ESRRG: variants seen among roughly 807,000 people sequenced by gnomAD.
The protein encoded by ESRRG is estrogen related receptor gamma.
In ESRRG, 13 loss-of-function variants were observed where a neutral mutation model predicts 44.0. That is an observed-to-expected ratio of 0.30 (90% CI 0.19 to 0.47). ESRRG has a LOEUF of 0.47. Ranked by LOEUF, ESRRG falls within the 20% of genes least tolerant of loss-of-function variation. The pLI is 1.00. For missense variants in ESRRG, 395 were observed against 580.6 expected (o/e 0.68, Z 3.29); for synonymous variants, 215 against 214.6 (o/e 1.00, Z -0.02).
chr1:216,603,536 C>T (rs557804518), intron 3 of ESRRG, among the ~76,000 whole-genome samples: 7 of 152,250 alleles, frequency 4.6e-5, no homozygotes, highest in East Asian at 3.9e-4. Flanking sequence ...CAGTTTAAGT[C>T]GGAGACATAA....
intron 2 of ESRRG, among the ~76,000 whole-genome samples, chr1:216,813,383 A>T (rs2095036118): frequency 6.6e-6 from 1 of 152,180 alleles, no homozygotes; most frequent in Non-Finnish European, 1.5e-5. Flanking sequence ...TGGTATCAGT[A>T]ACTTAATAAT....
chr1:216,737,304 T>C (rs1184522202), intron 2 of ESRRG, among the ~76,000 whole-genome samples: 2 of 152,194 alleles, frequency 1.3e-5, no homozygotes, highest in Non-Finnish European at 2.9e-5. Context: ...TGGCTTCTGC[T>C]ATTCTTTAGC....
chr1:216,737,329 G>A (rs767965083), intron 2 of ESRRG, among the ~76,000 whole-genome samples: 2 of 152,122 alleles, frequency 1.3e-5, no homozygotes, highest in Non-Finnish European at 1.5e-5. Flanking sequence ...AGACAGGTGG[G>A]CTGGTGGGTT....
At position 216,946,567 on chromosome 1, in the gene ESRRG, A is replaced by G. The variant is rs138244130; in HGVS notation, c.-105-6894T>C. Among the ~76,000 whole-genome samples the G allele has an allele frequency of 2.4e-3, 370 of 152,314 alleles. 1 individual carries two copies. Among genetic ancestry groups the G allele is most frequent in the Middle Eastern group, 0.014 (4 of 294 alleles). On this transcript the variant is annotated intron_variant, in intron 1 of 7. Coordinates refer to the ESRRG transcript ENST00000359162. Reference sequence around the variant, plus strand: ...TGGCCAGCAAAAGCTGACAAGTAATAGTGAAAATTTCCAAAGGATATACAG... The same window carrying G: ...TGGCCAGCAAAAGCTGACAAGTAATGGTGAAAATTTCCAAAGGATATACAG...
At chr1:216,832,156 A>C (rs1299590287) in intron 2 of ESRRG, among the ~76,000 whole-genome samples, 1 of 152,206 alleles carries the variant, frequency 6.6e-6, no homozygotes, top group African/African-American at 2.4e-5. Context: ...ATCATTGTAC[A>C]TTTAATATCA....
At chr1:216,588,225 C>A (rs1433354535) in intron 3 of ESRRG, among the ~76,000 whole-genome samples, 2 of 152,064 alleles carry the variant, frequency 1.3e-5, no homozygotes, top group Non-Finnish European at 2.9e-5. Context: ...TTAGGGATTT[C>A]CCATATGAAA....
At chr1:217,101,563 T>C (rs2151568203) in intron 1 of ESRRG, among the ~76,000 whole-genome samples, 1 of 152,320 alleles carries the variant, frequency 6.6e-6, no homozygotes, top group South Asian at 2.1e-4. Flanking sequence ...TGGTTCTAGC[T>C]CCTTGGCTCC....
intron 2 of ESRRG, among the ~76,000 whole-genome samples, chr1:216,897,231 C>T (rs2058536286): frequency 6.6e-6 from 1 of 152,138 alleles, no homozygotes; most frequent in South Asian, 2.1e-4. Context: ...AGTAAAACCA[C>T]TAAATTACTC....
chr1:216,779,763 T>G (rs925383431), intron 2 of ESRRG, among the ~76,000 whole-genome samples: 18 of 150,152 alleles, frequency 1.2e-4, no homozygotes, highest in Non-Finnish European at 2.7e-4. Flanking sequence ...AAAGGGAAGG[T>G]GTGATTCATG....
At chr1:217,066,289 C>G (rs2089667185) in intron 1 of ESRRG, among the ~76,000 whole-genome samples, 1 of 136,128 alleles carries the variant, frequency 7.3e-6, no homozygotes, top group Non-Finnish European at 1.5e-5. Flanking sequence ...GAGTCTCGCT[C>G]TGTCGCCCAG....
At chr1:216,673,725 T>C (rs1453291007) in intron 2 of ESRRG, among the ~76,000 whole-genome samples, 1 of 152,222 alleles carries the variant, frequency 6.6e-6, no homozygotes, top group African/African-American at 2.4e-5. Context: ...GAGACATGTA[T>C]TAGGAAATTT....
intron 1 of ESRRG, among the ~76,000 whole-genome samples, chr1:216,684,207 G>A (rs2077529186): frequency 1.3e-5 from 2 of 152,184 alleles, no homozygotes; most frequent in African/African-American, 4.8e-5. Flanking sequence ...TATTTTAGAT[G>A]TAGGAAATTG....
At chr1:216,955,488 T>C (rs1272737917) in intron 1 of ESRRG, among the ~76,000 whole-genome samples, 1 of 152,210 alleles carries the variant, frequency 6.6e-6, no homozygotes, top group East Asian at 1.9e-4. Flanking sequence ...TTGTGAATAG[T>C]GTTGCAATAA....
chr1:217,098,811 A>G (rs1158513118), intron 1 of ESRRG, among the ~76,000 whole-genome samples: 1 of 152,172 alleles, frequency 6.6e-6, no homozygotes, highest in Non-Finnish European at 1.5e-5. Context: ...AGCATTTCTC[A>G]GGACTAACAT....
intron 2 of ESRRG, among the ~76,000 whole-genome samples, chr1:216,732,007 T>G (rs2088881426): frequency 6.6e-6 from 1 of 152,132 alleles, no homozygotes; most frequent in South Asian, 2.1e-4. Context: ...CAAAGAAATT[T>G]TTTTTTAATT....
chr1:216,654,889 T>C (rs1052134935), intron 2 of ESRRG, among the ~76,000 whole-genome samples: 1 of 152,150 alleles, frequency 6.6e-6, no homozygotes, highest in Non-Finnish European at 1.5e-5. Flanking sequence ...GTTACATAAT[T>C]TTTATCTTAC....
chr1:216,522,050 AC>A (rs1205246897), intron 5 of ESRRG, among the ~76,000 whole-genome samples: 5 of 151,998 alleles, frequency 3.3e-5, no homozygotes, highest in Non-Finnish European at 7.4e-5. Context: ...AACATTTCGC[AC>A]ATTTCTTTGG....
chr1:216,682,810 T>C (rs1002510387), intron 1 of ESRRG, among the ~76,000 whole-genome samples: 5 of 150,642 alleles, frequency 3.3e-5, no homozygotes, highest in Non-Finnish European at 5.9e-5. Context: ...TCAGAGCCCA[T>C]GACCCCAGCA....
chr1:217,131,429 G>A (rs1342546564), intron 1 of ESRRG, among the ~76,000 whole-genome samples: 2 of 152,128 alleles, frequency 1.3e-5, no homozygotes, highest in East Asian at 3.9e-4. Flanking sequence ...TGAAAGCAAA[G>A]GCAGTTTTAG....
Sources: gnomAD v4.1 joint callset for allele counts (sites outside exome capture counted in the v4.1 genomes callset) on GRCh38, gnomAD v4.1.1 for gene constraint, MANE v1.5 for transcripts, NCBI Gene and HGNC (gene_info 2026-07-23, HGNC 2026-07-21) for gene names.